The following ERBB4 variants were observed in gnomAD, a reference collection of about 807,000 sequenced individuals.
ERBB4 encodes the protein receptor tyrosine-protein kinase erbB-4.
In ERBB4, 42 loss-of-function variants were observed where a neutral mutation model predicts 158.0. The ratio of observed to expected loss-of-function variants is 0.27; its 90% CI spans 0.21 to 0.34. The LOEUF is 0.34. Among genes scored for constraint, ERBB4 ranks in the 10% least tolerant of loss-of-function variants. The pLI, the probability that ERBB4 is intolerant of heterozygous loss-of-function variation, is 1.00. For missense variants in ERBB4, 1,333 were observed against 1,624.1 expected, an observed-to-expected ratio of 0.82 and a Z score of 3.08; for synonymous variants, 583 against 558.7, an observed-to-expected ratio of 1.04 and a Z score of -0.61.
chr2:212,178,329 G>A (rs915590565), intron 1 of ERBB4, among the ~76,000 whole-genome samples: 49 of 151,754 alleles, frequency 3.2e-4, no homozygotes, highest in African/African-American at 1.2e-3. Context: ...GACACTAAAG[G>A]ATTTCAGACA....
intron 17 of ERBB4, among the ~76,000 whole-genome samples, chr2:211,629,000 C>G (rs2069983694): frequency 6.6e-6 from 1 of 152,132 alleles, no homozygotes; most frequent in African/African-American, 2.4e-5. Context: ...ATACTTTGCA[C>G]ACTTTTTGAT....
chr2:211,959,966 G>T (rs1436946431), intron 2 of ERBB4, among the ~76,000 whole-genome samples: 5 of 151,974 alleles, frequency 3.3e-5, no homozygotes, highest in Admixed American at 2.0e-4. Flanking sequence ...CATAATGGGG[G>T]TATCGACAGC....
intron 1 of ERBB4, among the ~76,000 whole-genome samples, chr2:212,504,928 A>T (rs1234332075): frequency 6.6e-6 from 1 of 152,218 alleles, no homozygotes; most frequent in African/African-American, 2.4e-5. Context: ...AAAAAAACTG[A>T]AAAATATGTA....
At chr2:211,673,531 G>A (rs1173590616) in intron 13 of ERBB4, among the ~76,000 whole-genome samples, 292 of 37,026 alleles carry the variant, frequency 7.9e-3, no homozygotes, top group Middle Eastern at 0.019. Flanking sequence ...AAAAAAAAAA[G>A]CTACAAAGTA....
intron 15 of ERBB4, among the ~76,000 whole-genome samples, chr2:211,659,418 C>T (rs976179257): frequency 6.6e-6 from 1 of 151,974 alleles, no homozygotes; most frequent in Non-Finnish European, 1.5e-5. Context: ...AAATTAACTA[C>T]TAAAAAAGCT....
intron 3 of ERBB4, among the ~76,000 whole-genome samples, chr2:211,819,985 G>C (rs2105938701): frequency 6.6e-6 from 1 of 152,002 alleles, no homozygotes; most frequent in South Asian, 2.1e-4. Flanking sequence ...AGACCCACCA[G>C]ATTGGGAAAA....
chr2:212,333,007 C>A (rs1404483286), intron 1 of ERBB4, among the ~76,000 whole-genome samples: 8 of 152,006 alleles, frequency 5.3e-5, no homozygotes, highest in Non-Finnish European at 1.2e-4. Context: ...CTAAGATCAT[C>A]ACTCTAGCTT....
At chr2:211,659,314 T>C (rs1399341465) in intron 15 of ERBB4, among the ~76,000 whole-genome samples, 4 of 152,016 alleles carry the variant, frequency 2.6e-5, no homozygotes, top group Non-Finnish European at 5.9e-5. Flanking sequence ...TGAAAAGTCT[T>C]TTAAAAAGCA....
chr2:212,228,825 G>C (rs1159066018), intron 1 of ERBB4, among the ~76,000 whole-genome samples: 1 of 152,102 alleles, frequency 6.6e-6, no homozygotes, highest in Admixed American at 6.6e-5. Flanking sequence ...ATGCACCAAA[G>C]CTTCCAAATT....
At chr2:212,228,308 C>T (rs2083544264) in intron 1 of ERBB4, among the ~76,000 whole-genome samples, 1 of 152,056 alleles carries the variant, frequency 6.6e-6, no homozygotes, top group Non-Finnish European at 1.5e-5. Flanking sequence ...GGTTTTCAAA[C>T]CCCAAACCTG....
At chr2:211,861,316 AGTCCAGGC>A (rs953211268) in intron 3 of ERBB4, among the ~76,000 whole-genome samples, 21 of 133,132 alleles carry the variant, frequency 1.6e-4, no homozygotes, top group East Asian at 1.3e-3. Flanking sequence ...TCATGCCATC[AGTCCAGGC>A]GTGTTTTTTT....
chr2:211,396,254 T>C (rs768717287), intron 25 of ERBB4, among the ~76,000 whole-genome samples: 3 of 152,144 alleles, frequency 2.0e-5, no homozygotes, highest in Non-Finnish European at 2.9e-5. Flanking sequence ...ACAAAGGTTA[T>C]GTAACCCATA....
At chr2:211,889,268 G>A (rs2078898147) in intron 3 of ERBB4, among the ~76,000 whole-genome samples, 2 of 144,146 alleles carry the variant, frequency 1.4e-5, no homozygotes, top group Non-Finnish European at 3.0e-5. Context: ...CTAACTGGGA[G>A]GCACCCCCCA....
At chr2:211,488,106 AT>A in intron 20 of ERBB4, among the ~76,000 whole-genome samples, 2 of 152,100 alleles carry the variant, frequency 1.3e-5, no homozygotes, top group African/African-American at 4.8e-5. Context: ...ACAGAGCAGT[AT>A]TTATACTTCA....
intron 19 of ERBB4, among the ~76,000 whole-genome samples, chr2:211,581,234 C>T (rs747045428): frequency 4.0e-5 from 6 of 151,450 alleles, no homozygotes; most frequent in Non-Finnish European, 5.9e-5. Context: ...ACTCATGTAA[C>T]AAAACATCAC....
intron 2 of ERBB4, among the ~76,000 whole-genome samples, chr2:211,957,556 C>A (rs1338444489): frequency 6.6e-6 from 1 of 152,098 alleles, no homozygotes; most frequent in African/African-American, 2.4e-5. Flanking sequence ...CATTATTTAA[C>A]CTTTCTGTGC....
intron 3 of ERBB4, among the ~76,000 whole-genome samples, chr2:211,822,504 A>G (rs141611625): frequency 2.6e-5 from 4 of 152,174 alleles, no homozygotes; most frequent in Middle Eastern, 3.4e-3. Flanking sequence ...AATAACTTTT[A>G]AAAGTCAGAC....
intron 1 of ERBB4, among the ~76,000 whole-genome samples, chr2:212,370,325 C>T (rs2106381953): frequency 6.6e-6 from 1 of 152,278 alleles, no homozygotes; most frequent in Middle Eastern, 3.4e-3. Context: ...GTCAATTAAA[C>T]TTATTTTCTT....
intron 17 of ERBB4, among the ~76,000 whole-genome samples, chr2:211,627,771 A>G (rs1453456550): frequency 6.6e-6 from 1 of 152,216 alleles, no homozygotes; most frequent in Non-Finnish European, 1.5e-5. Context: ...GAGAAAGGTA[A>G]GATGGAAGTT....
Sources: allele counts gnomAD v4.1 joint callset (sites outside exome capture counted in the v4.1 genomes callset), GRCh38; gene constraint gnomAD v4.1.1; transcripts MANE v1.5; gene names NCBI Gene and HGNC (gene_info 2026-07-23, HGNC 2026-07-21).